GNAL: variants seen among roughly 807,000 people sequenced by gnomAD.
The protein encoded by GNAL is G protein subunit alpha L.
A neutral mutation model predicts 55.1 loss-of-function variants in GNAL; 18 were observed. That is an observed-to-expected ratio of 0.33 (90% CI 0.23 to 0.48). The LOEUF (loss-of-function observed/expected upper bound fraction) is 0.48. GNAL is among the 20% of genes least tolerant of loss of function. The pLI is 0.99. For missense variants in GNAL, 412 were observed against 614.1 expected, an observed-to-expected ratio of 0.67 and a Z score of 3.48; for synonymous variants, 253 against 237.0, an observed-to-expected ratio of 1.07 and a Z score of -0.62.
intron 4 of GNAL, among the ~76,000 whole-genome samples, chr18:11,784,942 G>C (rs1466584581): frequency 6.6e-6 from 1 of 152,160 alleles, no homozygotes; most frequent in Non-Finnish European, 1.5e-5. Context: ...ATAAACAAGA[G>C]GAATTACTCA....
intron 1 of GNAL, among the ~76,000 whole-genome samples, chr18:11,700,177 G>A (rs1262661117): frequency 6.6e-6 from 1 of 152,122 alleles, no homozygotes; most frequent in Non-Finnish European, 1.5e-5. Context: ...CCCGTTTAGG[G>A]GCCATAAGCT....
chr18:11,873,623 A>G (rs2036450375), intron 10 of GNAL, among the ~76,000 whole-genome samples: 1 of 152,180 alleles, frequency 6.6e-6, no homozygotes, highest in Admixed American at 6.5e-5. Flanking sequence ...ATCAAGTGGA[A>G]ATCTCATTGC....
intron 1 of GNAL, among the ~76,000 whole-genome samples, chr18:11,714,613 A>G (rs926387054): frequency 6.6e-6 from 1 of 152,292 alleles, no homozygotes; most frequent in East Asian, 1.9e-4. Context: ...GTGAAGATAC[A>G]CTGTTAATTT....
chr18:11,875,521 C>T (rs2036510214), intron 10 of GNAL, among the ~76,000 whole-genome samples: 1 of 152,100 alleles, frequency 6.6e-6, no homozygotes, highest in Non-Finnish European at 1.5e-5. Context: ...ACACTGTTTT[C>T]AAGATAGTGA....
At chr18:11,711,119 C>T (rs1163251027) in intron 1 of GNAL, among the ~76,000 whole-genome samples, 3 of 152,188 alleles carry the variant, frequency 2.0e-5, no homozygotes, top group African/African-American at 7.2e-5. Flanking sequence ...TCGTGATCCA[C>T]CCACCTCAGC....
At chr18:11,825,059 T>G in intron 5 of GNAL, 44 bp downstream of exon 5, 14 of 965,016 alleles carry the variant, frequency 1.5e-5, no homozygotes, top group Non-Finnish European at 2.2e-5. Context: ...TTGAAGAATA[T>G]GATTGCATGC....
intron 8 of GNAL, 110 bp downstream of exon 8, chr18:11,867,336 G>C: frequency 1.4e-6 from 1 of 736,508 alleles, no homozygotes; most frequent in Non-Finnish European, 2.4e-6. Flanking sequence ...GTAAAGTATA[G>C]CATTTATAGA....
Position 11,762,685 on chromosome 18 carries a change from G to A in GNAL, c.624+8740G>A, listed in dbSNP as rs541344627. On this transcript the variant is annotated intron_variant, in intron 4 of 11. Coordinates refer to ENST00000334049, the MANE Select transcript of GNAL (RefSeq NM_182978.4). ...GAGAGTCCTGCGAGCCTGGCCAAGGGGCCTGGGCTTCCTCCTCAAGGCTGG... is the reference window on the plus strand; with the variant it reads ...GAGAGTCCTGCGAGCCTGGCCAAGGAGCCTGGGCTTCCTCCTCAAGGCTGG... Among the ~76,000 whole-genome samples the A allele has an allele frequency of 3.9e-5, 6 of 152,308 alleles. No homozygotes were observed. The South Asian group carries it at 1.0e-3, about 26-fold the overall frequency.
At chr18:11,709,633 G>A (rs1598405663) in intron 1 of GNAL, among the ~76,000 whole-genome samples, 1 of 152,072 alleles carries the variant, frequency 6.6e-6, no homozygotes, top group South Asian at 2.1e-4. Context: ...AACTGCAACT[G>A]ATTTTATACA....
At chr18:11,694,911 G>A (rs938592643) in intron 1 of GNAL, among the ~76,000 whole-genome samples, 2 of 152,104 alleles carry the variant, frequency 1.3e-5, no homozygotes, top group African/African-American at 4.8e-5. Context: ...CCTTTCCTCT[G>A]TGTGCACACA....
intron 1 of GNAL, among the ~76,000 whole-genome samples, chr18:11,716,532 A>G (rs1290110067): frequency 1.3e-5 from 2 of 152,158 alleles, no homozygotes; most frequent in African/African-American, 4.8e-5. Flanking sequence ...TTATTCTCTT[A>G]TCTGGCCCCA....
intron 1 of GNAL, among the ~76,000 whole-genome samples, chr18:11,717,685 C>T (rs28666369): frequency 0.12 from 18,704 of 152,110 alleles, 2,448 homozygotes; most frequent in African/African-American, 0.33. Context: ...AGCAAACTAA[C>T]GTAGGAACAG....
At chr18:11,803,628 G>T (rs1233680815) in intron 4 of GNAL, among the ~76,000 whole-genome samples, 2 of 151,696 alleles carry the variant, frequency 1.3e-5, no homozygotes, top group Admixed American at 1.3e-4. Context: ...GTGCAGTTTG[G>T]ATGGAACACG....
Position 11,884,626 on chromosome 18 carries a change from C to A in GNAL, c.*3491C>A, listed in dbSNP as rs2036901636. 6.2e-7 allele frequency: 1 copy of A among 1,612,906 alleles called. No individual in the cohort carries two copies. Among genetic ancestry groups the A allele is most frequent in the Non-Finnish European group, 8.5e-7 (1 of 1,179,468 alleles). Reference sequence around the variant, plus strand: ...GGTGTAGTCTGTGGGCGTGATGCTACCCTGGAAAGGAGAAGGGAAAGTTAT... The same window carrying A: ...GGTGTAGTCTGTGGGCGTGATGCTAACCTGGAAAGGAGAAGGGAAAGTTAT... On this transcript the variant is annotated 3_prime_UTR_variant, in exon 12 of 12. Transcript: ENST00000334049.
At chr18:11,708,621 G>T (rs769204236) in intron 1 of GNAL, among the ~76,000 whole-genome samples, 3 of 152,184 alleles carry the variant, frequency 2.0e-5, no homozygotes, top group Non-Finnish European at 4.4e-5. Context: ...GGTTACCACA[G>T]ACCTGAAATT....
At chr18:11,730,056 C>G (rs1377116413) in intron 1 of GNAL, among the ~76,000 whole-genome samples, 1 of 150,114 alleles carries the variant, frequency 6.7e-6, no homozygotes, top group Non-Finnish European at 1.5e-5. Flanking sequence ...TTTTTTGAGA[C>G]AGAGTCTCGC....
At chr18:11,849,417 G>T (rs767932851) in intron 5 of GNAL, among the ~76,000 whole-genome samples, 2 of 151,412 alleles carry the variant, frequency 1.3e-5, no homozygotes, top group Admixed American at 1.3e-4. Context: ...CAGGAGAATC[G>T]CGTGAACCCA....
intron 5 of GNAL, chr18:11,857,637 T>C (rs905448066): frequency 3.6e-5 from 35 of 985,266 alleles, no homozygotes; most frequent in Non-Finnish European, 4.2e-5. Context: ...CATGAATCAC[T>C]GATCACCTGG....
At chr18:11,734,115 A>G (rs2032405899) in intron 1 of GNAL, among the ~76,000 whole-genome samples, 1 of 151,008 alleles carries the variant, frequency 6.6e-6, no homozygotes, top group Non-Finnish European at 1.5e-5. Flanking sequence ...ACTGGGGGTT[A>G]GGGAAGAGCA....
Sources: allele counts gnomAD v4.1 joint callset (sites outside exome capture counted in the v4.1 genomes callset), GRCh38; gene constraint gnomAD v4.1.1; transcripts MANE v1.5; gene names NCBI Gene and HGNC (gene_info 2026-07-23, HGNC 2026-07-21).